The following DNAL1 variants were observed in gnomAD, a reference collection of about 807,000 sequenced individuals.
DNAL1 encodes the protein chromosome 14 open reading frame 168.
A neutral mutation model predicts 29.4 loss-of-function variants in DNAL1; 17 were observed. The ratio of observed to expected loss-of-function variants is 0.58; its 90% CI spans 0.40 to 0.87. DNAL1 has a LOEUF of 0.87. Ranked by LOEUF, DNAL1 falls within the 40% of genes least tolerant of loss-of-function variation. The pLI, the probability that DNAL1 is intolerant of heterozygous loss-of-function variation, is 0.00. For missense variants in DNAL1, 188 were observed against 214.1 expected (o/e 0.88, Z 0.76); for synonymous variants, 78 against 76.3 (o/e 1.02, Z -0.12).
At chr14:73,651,739 C>G (rs573095630) in intron 1 of DNAL1, among the ~76,000 whole-genome samples, 3 of 152,324 alleles carry the variant, frequency 2.0e-5, no homozygotes, top group African/African-American at 7.2e-5. Context: ...TCATTGCAAC[C>G]TCCACCTCCT....
chr14:73,666,498 T>A (rs780009000), intron 4 of DNAL1, among the ~76,000 whole-genome samples: 13 of 152,194 alleles, frequency 8.5e-5, no homozygotes, highest in Non-Finnish European at 1.5e-4. Flanking sequence ...CAGGATACTG[T>A]ATGAAGAAAA....
chr14:73,698,122 A>C lies in DNAL1; in HGVS notation c.*2180A>C, dbSNP rs1223340480. 6.6e-6 allele frequency: 1 copy of C among 152,206 alleles called. No homozygotes were observed. The highest frequency in any genetic ancestry group is 2.4e-5 in the African/African-American group (1 of 41,454). 9.4% of individuals were successfully genotyped at this position (152,206 alleles called of 1,614,324 possible). On this transcript the variant is annotated 3_prime_UTR_variant, in exon 8 of 8. Coordinates refer to ENST00000553645, the MANE Select transcript of DNAL1 (RefSeq NM_031427.4). ...AGAGTTTTGGTGTTTGTTTTTTCTG[A>C]ATTCTGTAATATAGAAACTGGTTCT...
chr14:73,654,842 TA>T lies in DNAL1; in HGVS notation c.4-2del, dbSNP rs1891178211. 7.0e-5 allele frequency: 104 copies of T among 1,488,040 alleles called. No homozygotes were observed. The highest frequency in any genetic ancestry group is 2.0e-4 in the East Asian group (8 of 39,664). 92.2% of individuals were successfully genotyped at this position (1,488,040 alleles called of 1,614,324 possible). A position where few individuals can be genotyped will look rare whatever the true frequency, so the allele number is the denominator to read the frequency against. On this transcript the variant is annotated splice_polypyrimidine_tract_variant and splice_region_variant and intron_variant, in intron 1 of 7. Transcript: ENST00000553645. ...TTCTTTTCTTTCTTTTTTTTTTTTT[TA>T]AAGGCGAAAGCAACAACAATCAAAG...
chr14:73,654,782 A>T, intron 1 of DNAL1, 65 bp from the exon 2 acceptor site: 16 of 1,404,984 alleles, frequency 1.1e-5, no homozygotes, highest in Non-Finnish European at 1.4e-5. Flanking sequence ...ACATACATAC[A>T]TACATACATT....
Position 73,687,270 on chromosome 14 carries a change from G to A in DNAL1, c.276G>A (p.Gly92=). The part of the protein sequence containing the change: ...IKNLNGLEAV[G]DTLEELWISY... Reference sequence around the variant, plus strand: ...TTGTTCTTTTTCAGGAGGCAGTAGGGGACACATTAGAAGAACTGTGGATCT... The same window carrying A: ...TTGTTCTTTTTCAGGAGGCAGTAGGAGACACATTAGAAGAACTGTGGATCT... Residue 92 remains glycine (G), a synonymous_variant, in exon 6 of 8, where the codon GGG becomes GGA. Transcript: ENST00000553645. 6.2e-7 allele frequency: 1 copy of A among 1,612,074 alleles called. No homozygotes were observed. Among genetic ancestry groups the A allele is most frequent in the Non-Finnish European group, 8.5e-7 (1 of 1,179,436 alleles).
At chr14:73,652,351 T>C (rs536013333) in intron 1 of DNAL1, among the ~76,000 whole-genome samples, 8 of 152,314 alleles carry the variant, frequency 5.3e-5, no homozygotes, top group Admixed American at 2.0e-4. Flanking sequence ...GCACCCTCTC[T>C]CCCTGGGTCA....
chr14:73,656,167 GA>G, intron 2 of DNAL1, among the ~76,000 whole-genome samples: 1 of 151,980 alleles, frequency 6.6e-6, no homozygotes, highest in Admixed American at 6.6e-5. Context: ...GACAAAAGTC[GA>G]TAAAATAATG....
At position 73,702,661 on chromosome 14, in the gene DNAL1, G is replaced by GA. The variant is rs1355524347; in HGVS notation, c.*6724dup. ...AGTTAGCTGATAGGCCCTGAATTGAGAAAAAGGAATCACCAAGCAATATCC... is the reference window on the plus strand; with the variant it reads ...AGTTAGCTGATAGGCCCTGAATTGAGAAAAAAGGAATCACCAAGCAATATCC... On this transcript the variant is annotated 3_prime_UTR_variant, in exon 8 of 8. Transcript: ENST00000553645. 6.6e-6 allele frequency: 1 copy of GA among 152,070 alleles called. No homozygotes were observed. Among genetic ancestry groups the GA allele is most frequent in the Non-Finnish European group, 1.5e-5 (1 of 68,028 alleles). 9.4% of individuals were successfully genotyped at this position (152,070 alleles called of 1,614,324 possible).
intron 5 of DNAL1, among the ~76,000 whole-genome samples, chr14:73,677,041 G>T (rs1229493399): frequency 6.0e-5 from 9 of 150,310 alleles, no homozygotes; most frequent in Admixed American, 6.7e-5. Context: ...CGTGATCTCG[G>T]CTCACTACAA....
chr14:73,672,607 CAAAAAAAA>C (rs35746041), intron 5 of DNAL1, among the ~76,000 whole-genome samples: 1 of 75,268 alleles, frequency 1.3e-5, no homozygotes, highest in South Asian at 4.9e-4. Context: ...GACTCTGTCT[CAAAAAAAA>C]AAAAAAAAAA....
chr14:73,679,704 TA>T (rs1244989431), intron 5 of DNAL1, among the ~76,000 whole-genome samples: 1 of 152,234 alleles, frequency 6.6e-6, no homozygotes. Context: ...AAATGGTATT[TA>T]AAAATTTTTG....
At chr14:73,693,301 C>T (rs1892220750) in intron 7 of DNAL1, among the ~76,000 whole-genome samples, 1 of 152,080 alleles carries the variant, frequency 6.6e-6, no homozygotes, top group Admixed American at 6.6e-5. Flanking sequence ...TTCCTTGTGA[C>T]CCAGCAATTT....
At chr14:73,694,083 T>C (rs977254066) in intron 7 of DNAL1, among the ~76,000 whole-genome samples, 11 of 151,452 alleles carry the variant, frequency 7.3e-5, no homozygotes, top group Admixed American at 5.9e-4. Context: ...AGGATTTAGA[T>C]GGGAGGAGAG....
At chr14:73,657,919 T>A (rs1037398017) in intron 2 of DNAL1, among the ~76,000 whole-genome samples, 4 of 152,196 alleles carry the variant, frequency 2.6e-5, no homozygotes, top group Non-Finnish European at 4.4e-5. Context: ...TTTAGTTCCA[T>A]TGTTTATTTT....
intron 5 of DNAL1, among the ~76,000 whole-genome samples, chr14:73,686,966 C>T (rs1892031906): frequency 6.6e-6 from 1 of 151,398 alleles, no homozygotes; most frequent in Admixed American, 6.6e-5. Context: ...GCCATTATTT[C>T]CCCTCTTGGT....
chr14:73,683,611 C>T (rs116054580), intron 5 of DNAL1, among the ~76,000 whole-genome samples: 1,880 of 151,960 alleles, frequency 0.012, 36 homozygotes, highest in African/African-American at 0.042. Context: ...CCCATCCTCC[C>T]CTCAGCCCCC....
chr14:73,672,473 T>C (rs1891636087), intron 5 of DNAL1, among the ~76,000 whole-genome samples: 1 of 151,472 alleles, frequency 6.6e-6, no homozygotes, highest in African/African-American at 2.4e-5. Flanking sequence ...CTGGGTGTGG[T>C]GGCGGGCGCC....
At chr14:73,653,145 A>T (rs148193858) in intron 1 of DNAL1, 1 of 152,318 alleles carries the variant, frequency 6.6e-6, no homozygotes, top group African/African-American at 2.4e-5. Context: ...ATTCAAACTC[A>T]TTCAGTTCTG....
intron 5 of DNAL1, among the ~76,000 whole-genome samples, chr14:73,673,703 A>T (rs1891665167): frequency 5.3e-5 from 8 of 152,080 alleles, no homozygotes. Context: ...TACCTGGGCA[A>T]CATAGCAAGA....
Sources: gnomAD v4.1 joint callset for allele counts (sites outside exome capture counted in the v4.1 genomes callset) on GRCh38, gnomAD v4.1.1 for gene constraint, MANE v1.5 for transcripts, NCBI Gene and HGNC (gene_info 2026-07-23, HGNC 2026-07-21) for gene names.